LCT: variants seen among roughly 807,000 people sequenced by gnomAD.
The protein encoded by LCT is lactase.
LCT carries 90 observed loss-of-function variants against 173.0 expected under a neutral mutation model. That is an observed-to-expected ratio of 0.52 (90% CI 0.44 to 0.62). The LOEUF (loss-of-function observed/expected upper bound fraction) is 0.62. Among genes scored for constraint, LCT ranks in the 20% least tolerant of loss-of-function variants. The probability of loss-of-function intolerance (pLI) is 0.00; values close to 1 mark genes in which losing one functional copy is unlikely to be tolerated. For missense variants in LCT, 1,864 were observed against 2,431.4 expected (o/e 0.77, Z 4.91); for synonymous variants, 853 against 957.6 (o/e 0.89, Z 2.02).
Position 135,809,392 on chromosome 2 carries a change from T to A in LCT, c.2955A>T (p.Pro985=). The change falls in exon 8 of 17, where the codon CCA becomes CCT. Residue 985 remains proline (P), a synonymous_variant. Coordinates refer to ENST00000264162, the MANE Select transcript of LCT (RefSeq NM_002299.4). The surrounding 1 kb of genome is among the most constrained non-coding windows in gnomAD (Gnocchi z 5.5). ...TGTTGATAGAGCTGTTTCTCCCAGTTGGGAAAATCCGAGACCAGGAGATAG... is the reference window on the plus strand; with the variant it reads ...TGTTGATAGAGCTGTTTCTCCCAGTAGGGAAAATCCGAGACCAGGAGATAG... ...RFSISWSRIF[P]TGRNSSINSH... is the part of the protein sequence containing the mutation. 6.2e-7 allele frequency: 1 copy of A among 1,614,192 alleles called. No individual in the cohort carries two copies. The highest frequency in any genetic ancestry group is 8.5e-7 in the Non-Finnish European group (1 of 1,180,034).
At chr2:135,805,189 TGGTCCATGTGTGGTG>T (rs2077659705) in intron 9 of LCT, 132 bp from the exon 10 acceptor site, 15 of 908,562 alleles carry the variant, frequency 1.7e-5, no homozygotes, top group Admixed American at 3.9e-5. Flanking sequence ...ACAAGCACAT[TGGTCCATGTGTGGTG>T]GCTCACGCCG....
At position 135,809,902 on chromosome 2, in the gene LCT, A is replaced by T. The variant is rs2077719969; in HGVS notation, c.2445T>A (p.Phe815Leu). 1 of 1,614,126 alleles carries T rather than the reference A, an allele frequency of 6.2e-7. No homozygotes were observed. Among genetic ancestry groups the T allele is most frequent in the Non-Finnish European group, 8.5e-7 (1 of 1,180,044 alleles). Reference protein sequence around the residue: ...FEGPSGYSQRFGLHHVNFSDS... With the variant: ...FEGPSGYSQRLGLHHVNFSDS... ...CGCTGAAGTTGACGTGGTGCAGGCC[A>T]AACCGCTGGCTGTAACCAGAAGGGC... is the stretch of plus-strand genomic sequence containing the variant. The change falls in exon 8 of 17, where the codon TTT becomes TTA. Residue 815 changes from phenylalanine to leucine, a missense_variant. Around this residue, in one of 4 missense-constraint regions of LCT, gnomAD observed 755 missense variants for 926.3 expected, o/e 0.82. Coordinates refer to ENST00000264162, the MANE Select transcript of LCT (RefSeq NM_002299.4). The surrounding 1 kb of genome is among the most constrained non-coding windows in gnomAD (Gnocchi z 5.5).
At chr2:135,821,601 C>A in intron 5 of LCT, 1 of 206,008 alleles carries the variant, frequency 4.9e-6, no homozygotes, top group Non-Finnish European at 9.9e-6. Flanking sequence ...TGACCTCAGT[C>A]TCCCAAGTAG....
chr2:135,817,249 G>T (rs561074207), intron 6 of LCT, 92 bp downstream of exon 6: 16 of 1,431,138 alleles, frequency 1.1e-5, no homozygotes, highest in African/African-American at 5.7e-5. Context: ...AAAAGTAAAG[G>T]CTTGCTGATG....
rs35891837 is a variant in LCT, at chr2:135,800,696, C to G, written c.4777G>C (p.Val1593Leu). The G allele has an allele frequency of 6.2e-7, 1 of 1,613,776 alleles. No individual in the cohort carries two copies. The highest frequency in any genetic ancestry group is 8.5e-7 in the Non-Finnish European group (1 of 1,180,024). ...TCACTGCTGATGGTGATGGAAATCA[C>G]GCCACCTTGACTGGCGCGGTACACA... The part of the protein sequence containing the change: ...NDVYRASQGG[V>L]ISITISSDWA... Residue 1593 changes from valine to leucine, a missense_variant, in exon 12 of 17, where the codon GTG becomes CTG. Coordinates refer to ENST00000264162, the MANE Select transcript of LCT (RefSeq NM_002299.4).
intron 6 of LCT, among the ~76,000 whole-genome samples, chr2:135,813,689 G>C (rs1475084196): frequency 6.6e-6 from 1 of 152,198 alleles, no homozygotes; most frequent in African/African-American, 2.4e-5. Flanking sequence ...GCCTGTTACT[G>C]TTACCCACAC....
At chr2:135,789,412 A>G (rs112686326) in intron 16 of LCT, among the ~76,000 whole-genome samples, 159 bp downstream of exon 16, 1 of 152,280 alleles carries the variant, frequency 6.6e-6, no homozygotes, top group Non-Finnish European at 1.5e-5. Flanking sequence ...ACCCCAGGAA[A>G]TGTCTGGAGC....
chr2:135,836,535 A>G lies in LCT; in HGVS notation c.635T>C (p.Phe212Ser). The G allele has an allele frequency of 6.2e-7, 1 of 1,614,144 alleles. No homozygotes were observed. The highest frequency in any genetic ancestry group is 8.5e-7 in the Non-Finnish European group (1 of 1,180,004). The change falls in exon 1 of 17, where the codon TTT becomes TCT. Residue 212 changes from phenylalanine (F) to serine (S), a missense_variant. Phe to Ser is a radical substitution (Grantham distance 155). Around this residue, in one of 4 missense-constraint regions of LCT, gnomAD observed 412 missense variants for 462.0 expected, o/e 0.89. Coordinates refer to ENST00000264162, the MANE Select transcript of LCT (RefSeq NM_002299.4). ...AYEIYHESYA[F>S]QGGKLSVVLR... The stretch of plus-strand genomic sequence containing the variant: ...TCAGGTCAATGTGTACTCACCCTGA[A>G]AAGCATAGCTTTCGTGGTAAATCTC...
chr2:135,832,152 G>T (rs983284517), intron 2 of LCT, among the ~76,000 whole-genome samples: 2 of 151,906 alleles, frequency 1.3e-5, no homozygotes, highest in African/African-American at 4.8e-5. Context: ...GGGTGTAGAG[G>T]TTGCAGTGAG....
chr2:135,798,738 G>A (rs890377075), intron 12 of LCT, among the ~76,000 whole-genome samples: 2 of 152,220 alleles, frequency 1.3e-5, no homozygotes, highest in African/African-American at 4.8e-5. Flanking sequence ...GATGCTGGGG[G>A]TTTGAGAGCC....
chr2:135,821,108 C>T (rs1028821728), intron 5 of LCT, among the ~76,000 whole-genome samples: 1 of 152,106 alleles, frequency 6.6e-6, no homozygotes, highest in Non-Finnish European at 1.5e-5. Flanking sequence ...GTCTCGATCT[C>T]CTGACCTCGT....
Position 135,812,395 on chromosome 2 carries a change from T to C in LCT, c.2269A>G (p.Met757Val), listed in dbSNP as rs770318979. ...AGATTTTCACTTTCCCCTATGGGCA[T>C]GCCATTCCCGGCAAGGTATATTGGA... is the stretch of plus-strand genomic sequence containing the variant. The part of the protein sequence containing the change: ...KVPIYLAGNG[M>V]PIGESENLFD... Residue 757 changes from methionine to valine, a missense_variant, in exon 7 of 17, where the codon ATG becomes GTG. Physicochemically the swap from Met to Val is conservative, Grantham distance 21. Transcript: ENST00000264162. 2 of 1,614,034 alleles carry C rather than the reference T, an allele frequency of 1.2e-6. No individual in the cohort carries two copies. Among genetic ancestry groups the C allele is most frequent in the Non-Finnish European group, 1.7e-6 (2 of 1,179,966 alleles).
chr2:135,808,991 AC>A lies in LCT; in HGVS notation c.3355del (p.Val1119SerfsTer4). The A allele has an allele frequency of 6.2e-7, 1 of 1,610,636 alleles. No homozygotes were observed. Among genetic ancestry groups the A allele is most frequent in the Non-Finnish European group, 8.5e-7 (1 of 1,177,718 alleles). The stretch of plus-strand genomic sequence containing the variant: ...GTGTGTACTGAGGCTCAGCGAGATG[AC>A]CCCCTTCTGCTCCTGCCTGTATTTC... ...DEKYRQEQKG[V>X]ISLSLSTHWA... On this transcript the variant is annotated frameshift_variant, in exon 8 of 17. Coordinates refer to ENST00000264162, the MANE Select transcript of LCT (RefSeq NM_002299.4). LOFTEE classifies it high-confidence loss of function.
At chr2:135,802,428 C>G (rs1421917942) in intron 11 of LCT, among the ~76,000 whole-genome samples, 2 of 152,188 alleles carry the variant, frequency 1.3e-5, no homozygotes, top group African/African-American at 4.8e-5. Flanking sequence ...TTTATTGCAT[C>G]ACTGTTACAA....
intron 14 of LCT, among the ~76,000 whole-genome samples, chr2:135,792,419 C>A (rs2077539770): frequency 6.6e-6 from 1 of 152,148 alleles, no homozygotes; most frequent in Non-Finnish European, 1.5e-5. Context: ...ACAAGAAGTG[C>A]AGATAAAAGC....
chr2:135,799,819 T>C (rs1359431992), intron 12 of LCT, among the ~76,000 whole-genome samples: 1 of 152,276 alleles, frequency 6.6e-6, no homozygotes, highest in East Asian at 1.9e-4. Flanking sequence ...CTTAAACTCA[T>C]TGAGTTGGCA....
Position 135,804,790 on chromosome 2 carries a change from G to C in LCT, c.4441C>G (p.Leu1481Val). ...NYYVRLIDTL[L>V]AASIQPQVTI... ...ACCTGGGGCTGGATGCTGGCGGCCA[G>C]CAGTGTATCGATGAGCCTCACGTAG... The change falls in exon 10 of 17, where the codon CTG becomes GTG. Residue 1481 changes from leucine (L) to valine (V), a missense_variant. By Grantham distance (32) the Leu-to-Val change is conservative (BLOSUM62 1). This residue lies in a region of LCT where 514 missense variants were observed against 750.1 expected (regional missense o/e 0.69). Coordinates refer to ENST00000264162, the MANE Select transcript of LCT (RefSeq NM_002299.4). The C allele has an allele frequency of 6.2e-7, 1 of 1,612,976 alleles. No individual in the cohort carries two copies. The highest frequency in any genetic ancestry group is 8.5e-7 in the Non-Finnish European group (1 of 1,180,040).
intron 1 of LCT, among the ~76,000 whole-genome samples, chr2:135,836,175 T>C (rs924280135): frequency 6.6e-6 from 1 of 151,576 alleles, no homozygotes; most frequent in African/African-American, 2.4e-5. Flanking sequence ...CCTGCTACCA[T>C]CCCTGGCTAA....
intron 10 of LCT, among the ~76,000 whole-genome samples, chr2:135,804,448 G>A (rs558832692): frequency 4.6e-5 from 7 of 152,260 alleles, no homozygotes; most frequent in Non-Finnish European, 7.4e-5. Context: ...TTGGGAGGCC[G>A]AGGCGGGTGG....
Sources: allele counts gnomAD v4.1 joint callset (sites outside exome capture counted in the v4.1 genomes callset), GRCh38; gene constraint gnomAD v4.1.1; regional missense constraint gnomAD v4.1.1; non-coding constraint Gnocchi (gnomAD v3.1); transcripts MANE v1.5; gene names NCBI Gene and HGNC (gene_info 2026-07-23, HGNC 2026-07-21).